The following PARD3B variants were observed in gnomAD, a reference collection of about 807,000 sequenced individuals.
PARD3B encodes partitioning defective 3 homolog B.
Under a neutral mutation model 130.2 loss-of-function variants are expected in PARD3B, and 103 were observed. That is an observed-to-expected ratio of 0.79 (90% confidence interval 0.67 to 0.93). The LOEUF (loss-of-function observed/expected upper bound fraction) is 0.93, where lower values mean the gene tolerates loss of function less well. PARD3B is among the 40% of genes least tolerant of loss of function. The pLI is 0.00. For synonymous variants in PARD3B, 583 were observed against 553.2 expected (o/e 1.05, Z -0.76); for missense variants, 1,609 against 1,499.2 (o/e 1.07, Z -1.21).
chr2:205,567,441 A>G (rs1427037339), intron 22 of PARD3B, among the ~76,000 whole-genome samples: 1 of 149,062 alleles, frequency 6.7e-6, no homozygotes, highest in African/African-American at 2.5e-5. Flanking sequence ...CAGCCTCCCA[A>G]GTAGCTGGGA....
intron 2 of PARD3B, among the ~76,000 whole-genome samples, chr2:204,733,840 A>T (rs2039627323): frequency 6.6e-6 from 1 of 152,184 alleles, no homozygotes; most frequent in African/African-American, 2.4e-5. Context: ...TCTCCATTCA[A>T]TACAAAATTC....
At chr2:205,500,701 A>G (rs1208311914) in intron 21 of PARD3B, among the ~76,000 whole-genome samples, 1 of 152,216 alleles carries the variant, frequency 6.6e-6, no homozygotes, top group East Asian at 1.9e-4. Flanking sequence ...ATGCCCAGGA[A>G]GAGGATGCTT....
chr2:204,546,139 G>C lies in PARD3B; in HGVS notation c.120+20G>C, dbSNP rs1253200050. ...GAGAAGGTGAGCGCGGCGCGGAGGA[G>C]TGGGGCGCGGCTGCAGCCAAGGCAC... On this transcript the variant is annotated intron_variant, in intron 1 of 22. Coordinates refer to ENST00000406610, the MANE Select transcript of PARD3B (RefSeq NM_001302769.2). The C allele has an allele frequency of 6.4e-7, 1 of 1,550,904 alleles. No individual in the cohort carries two copies. The highest frequency in any genetic ancestry group is 8.7e-7 in the Non-Finnish European group (1 of 1,147,488).
Position 204,722,505 on chromosome 2 carries a change from GC to G in PARD3B, c.222+36226del, listed in dbSNP as rs2039042333. ...TCGGAATAATCATGTTGGTTACCAT[GC>G]CCATTGCTCAATTTTTTTCCTTTTG... On this transcript the variant is annotated intron_variant, in intron 2 of 22. Transcript: ENST00000406610. 2.6e-5 allele frequency among the ~76,000 whole-genome samples: 4 copies of G among 152,272 alleles called. No individual in the cohort carries two copies. In the South Asian group the frequency reaches 8.3e-4, roughly 32 times the overall value.
chr2:204,986,197 C>G (rs1003757368), intron 3 of PARD3B, among the ~76,000 whole-genome samples: 2 of 151,126 alleles, frequency 1.3e-5, no homozygotes, highest in Non-Finnish European at 2.9e-5. Context: ...TTGATTGGAT[C>G]CCTTTACTTC....
intron 21 of PARD3B, among the ~76,000 whole-genome samples, chr2:205,509,593 T>C (rs2050514102): frequency 6.6e-6 from 1 of 152,172 alleles, no homozygotes; most frequent in Admixed American, 6.5e-5. Flanking sequence ...GGGGGACAAA[T>C]CTGATCCATA....
chr2:205,197,259 T>A (rs1363252356), intron 15 of PARD3B, among the ~76,000 whole-genome samples: 1 of 152,176 alleles, frequency 6.6e-6, no homozygotes, highest in Non-Finnish European at 1.5e-5. Context: ...TTTAAGGCCC[T>A]TACTGGCTGA....
chr2:204,727,592 A>G (rs2039293238), intron 2 of PARD3B, among the ~76,000 whole-genome samples: 1 of 152,162 alleles, frequency 6.6e-6, no homozygotes, highest in African/African-American at 2.4e-5. Context: ...GCAGGCTGGA[A>G]AGGGTAGCTT....
rs1280669169 is a variant in PARD3B, at chr2:205,443,658, T to C, written c.3044+2986T>C. Reference sequence around the variant, plus strand: ...GTTTTCTTTGCAGAATAATTAAGCATGCACAAGAGCAAAGTGGCCTGAAAG... The same window carrying C: ...GTTTTCTTTGCAGAATAATTAAGCACGCACAAGAGCAAAGTGGCCTGAAAG... On this transcript the variant is annotated intron_variant, in intron 20 of 22. Transcript: ENST00000406610. Among the ~76,000 whole-genome samples, 3 of 152,164 alleles carry C rather than the reference T, an allele frequency of 2.0e-5. No homozygotes were observed. In the East Asian group the frequency reaches 5.8e-4, roughly 29 times the overall value.
At position 204,907,043 on chromosome 2, in the gene PARD3B, C is replaced by T. The variant is rs181431618; in HGVS notation, c.223-58109C>T. On this transcript the variant is annotated intron_variant, in intron 2 of 22. Transcript: ENST00000406610. This position sits in a 1 kb window ranked among gnomAD's most constrained non-coding sequence, Gnocchi z 5.7. ...TCGCCCAGGCTGGAGTTCAGTGGCA[C>T]GATCTCGGCTCACTGTAACCTCCAC... is the stretch of plus-strand genomic sequence containing the variant. 1.2e-4 allele frequency among the ~76,000 whole-genome samples: 19 copies of T among 152,078 alleles called. No individual in the cohort carries two copies. Among genetic ancestry groups the T allele is most frequent in the African/African-American group, 2.9e-4 (12 of 41,472 alleles).
At chr2:205,035,961 T>C (rs1256425132) in intron 3 of PARD3B, among the ~76,000 whole-genome samples, 3 of 143,970 alleles carry the variant, frequency 2.1e-5, no homozygotes, top group African/African-American at 5.1e-5. Context: ...TATTTTTACA[T>C]ATAGGGGACT....
At chr2:205,279,484 A>C (rs1025098436) in intron 16 of PARD3B, among the ~76,000 whole-genome samples, 1 of 152,202 alleles carries the variant, frequency 6.6e-6, no homozygotes, top group African/African-American at 2.4e-5. Context: ...TACATTTGCC[A>C]TAATTTCACA....
intron 16 of PARD3B, among the ~76,000 whole-genome samples, chr2:205,296,216 G>C (rs1421496934): frequency 6.6e-6 from 1 of 152,178 alleles, no homozygotes; most frequent in Non-Finnish European, 1.5e-5. Context: ...GCACAAAGAG[G>C]TTATTAACTC....
At chr2:205,361,135 G>A (rs759142991) in intron 18 of PARD3B, among the ~76,000 whole-genome samples, 38 of 152,128 alleles carry the variant, frequency 2.5e-4, no homozygotes, top group Non-Finnish European at 4.3e-4. Flanking sequence ...AGACTAATGC[G>A]TAAAGCAAAT....
At chr2:204,908,989 A>G (rs2047135551) in intron 2 of PARD3B, among the ~76,000 whole-genome samples, 1 of 152,182 alleles carries the variant, frequency 6.6e-6, no homozygotes, top group Non-Finnish European at 1.5e-5. Context: ...GAGTGGTTTC[A>G]TACTATCAAT....
rs952913826 is a variant in PARD3B at position 205,291,634 on chromosome 2, G to T, written c.2186-8896G>T. ...TAATTAATGTAATTGTAGATAGTTT[G>T]TTTGAACCCATAGGCACAGCCTGGC... On this transcript the variant is annotated intron_variant, in intron 16 of 22. Transcript: ENST00000406610. The surrounding 1 kb of genome is among the most constrained non-coding windows in gnomAD (Gnocchi z 4.6). 6.6e-6 allele frequency among the ~76,000 whole-genome samples: 1 copy of T among 152,272 alleles called. No individual in the cohort carries two copies. Among genetic ancestry groups the T allele is most frequent in the Non-Finnish European group, 1.5e-5 (1 of 68,018 alleles).
intron 15 of PARD3B, among the ~76,000 whole-genome samples, chr2:205,217,525 G>C (rs1248748742): frequency 6.6e-6 from 1 of 152,038 alleles, no homozygotes; most frequent in East Asian, 1.9e-4. Context: ...TTCAAACAGA[G>C]AAGCTAGTGA....
chr2:205,203,364 C>G (rs904156764), intron 15 of PARD3B, among the ~76,000 whole-genome samples: 11 of 150,692 alleles, frequency 7.3e-5, no homozygotes, highest in Non-Finnish European at 8.9e-5. Context: ...GGCTCTGTAT[C>G]TAGGATTCTA....
At chr2:204,593,791 A>G (rs1173091587) in intron 1 of PARD3B, among the ~76,000 whole-genome samples, 1 of 152,118 alleles carries the variant, frequency 6.6e-6, no homozygotes, top group Non-Finnish European at 1.5e-5. Context: ...ATATCCTGCT[A>G]CTTACACACC....
Sources: gnomAD v4.1 joint callset for allele counts (sites outside exome capture counted in the v4.1 genomes callset) on GRCh38, gnomAD v4.1.1 for gene constraint, Gnocchi (gnomAD v3.1) non-coding constraint, MANE v1.5 for transcripts, NCBI Gene and HGNC (gene_info 2026-07-23, HGNC 2026-07-21) for gene names.